GRIK3: variants seen among roughly 807,000 people sequenced by gnomAD.
The protein encoded by GRIK3 is glutamate receptor ionotropic, kainate 3.
In GRIK3, 29 loss-of-function variants were observed where a neutral mutation model predicts 102.5. That is an observed-to-expected ratio of 0.28 (90% CI 0.21 to 0.39). GRIK3 has a LOEUF of 0.39. Among genes scored for constraint, GRIK3 ranks in the 10% least tolerant of loss-of-function variants. GRIK3 has a pLI of 1.00. For missense variants in GRIK3, 908 were observed against 1,252.4 expected (o/e 0.73, Z 4.15); for synonymous variants, 511 against 504.9 (o/e 1.01, Z -0.16).
intron 1 of GRIK3, among the ~76,000 whole-genome samples, chr1:36,950,501 A>T (rs1030951296): frequency 6.6e-6 from 1 of 152,196 alleles, no homozygotes; most frequent in Admixed American, 6.5e-5. Context: ...GTTTAAGCCC[A>T]TCTTTCCACA....
chr1:36,805,558 T>C (rs1642489800), intron 14 of GRIK3, among the ~76,000 whole-genome samples: 1 of 152,102 alleles, frequency 6.6e-6, no homozygotes, highest in Non-Finnish European at 1.5e-5. Flanking sequence ...TCCCCAAACC[T>C]CGCGTCTGTC....
chr1:36,930,432 C>T (rs1641575013), intron 1 of GRIK3, among the ~76,000 whole-genome samples: 1 of 152,146 alleles, frequency 6.6e-6, no homozygotes, highest in African/African-American at 2.4e-5. Context: ...ATCATAAATC[C>T]TAAGTGTCAG....
intron 1 of GRIK3, among the ~76,000 whole-genome samples, chr1:36,914,726 G>A (rs1048412208): frequency 2.6e-5 from 4 of 152,190 alleles, no homozygotes; most frequent in African/African-American, 9.7e-5. Flanking sequence ...TCAGCCCAAC[G>A]GGCCCCACCA....
At chr1:37,022,748 C>T (rs570397536) in intron 1 of GRIK3, among the ~76,000 whole-genome samples, 1 of 152,198 alleles carries the variant, frequency 6.6e-6, no homozygotes, top group African/African-American at 2.4e-5. Context: ...TTCAAATGAC[C>T]ATATTCACCA....
chr1:36,923,925 AC>A (rs1641499742), intron 1 of GRIK3, among the ~76,000 whole-genome samples: 1 of 151,968 alleles, frequency 6.6e-6, no homozygotes, highest in Admixed American at 6.6e-5. Flanking sequence ...ACACATGCAC[AC>A]ACCTGCATTC....
At chr1:37,005,932 G>A (rs1456112727) in intron 1 of GRIK3, among the ~76,000 whole-genome samples, 1 of 152,122 alleles carries the variant, frequency 6.6e-6, no homozygotes, top group African/African-American at 2.4e-5. Flanking sequence ...TATAGGCAGT[G>A]GGGAGCCCTT....
At chr1:36,940,849 C>A (rs143318613) in intron 1 of GRIK3, among the ~76,000 whole-genome samples, 2 of 152,362 alleles carry the variant, frequency 1.3e-5, no homozygotes, top group Non-Finnish European at 2.9e-5. Context: ...CACAAGGGAG[C>A]ACCACTGTTT....
At chr1:36,868,363 C>A (rs967202683) in intron 5 of GRIK3, among the ~76,000 whole-genome samples, 9 of 152,220 alleles carry the variant, frequency 5.9e-5, no homozygotes, top group Admixed American at 1.3e-4. Context: ...ATCTCATTCG[C>A]CAGCTTCCAG....
intron 1 of GRIK3, among the ~76,000 whole-genome samples, chr1:36,997,526 G>A (rs141570938): frequency 6.4e-4 from 98 of 152,320 alleles, no homozygotes; most frequent in African/African-American, 2.2e-3. Flanking sequence ...GGGGGCACGC[G>A]AGCTCTAGAG....
In GRIK3 at chr1:36,817,956, A is replaced by G. The variant is rs556263973; in HGVS notation, c.1874-679T>C. 2.6e-5 allele frequency among the ~76,000 whole-genome samples: 4 copies of G among 152,340 alleles called. No individual in the cohort carries two copies. The South Asian group carries it at 8.3e-4, about 32-fold the overall frequency. On this transcript the variant is annotated intron_variant, in intron 12 of 15. Coordinates refer to ENST00000373091, the MANE Select transcript of GRIK3 (RefSeq NM_000831.4). Reference sequence around the variant, plus strand: ...TTTTTGAAGCTCTTTGCCGAAATATATGACTTTTCTTCCCCGACCTTAGGT... The same window carrying G: ...TTTTTGAAGCTCTTTGCCGAAATATGTGACTTTTCTTCCCCGACCTTAGGT...
rs138685291 is a variant in GRIK3 at position 36,825,608 on chromosome 1, G to A, written c.1749C>T (p.Ile583=). The A allele has an allele frequency of 5.7e-5, 90 of 1,569,668 alleles. No homozygotes were observed. In the African/African-American group the frequency reaches 1.1e-3, roughly 19 times the overall value. ...TGGCCAAGGAATTGCCTTACCTGGC[G>A]ATGACGAAGAGGACACAGCTGACCC... is the stretch of plus-strand genomic sequence containing the variant. ...YLGVSCVLFV[I]ARFSPYEWYD... is the part of the protein sequence containing the mutation. The change falls in exon 11 of 16, where the codon ATC becomes ATT. Residue 583 remains isoleucine, a synonymous_variant. Coordinates refer to ENST00000373091, the MANE Select transcript of GRIK3 (RefSeq NM_000831.4).
At chr1:36,963,679 G>A (rs1642050486) in intron 1 of GRIK3, among the ~76,000 whole-genome samples, 1 of 152,178 alleles carries the variant, frequency 6.6e-6, no homozygotes, top group African/African-American at 2.4e-5. Context: ...AGAGGAGTGA[G>A]AGTGTGCTGG....
chr1:36,836,616 A>G (rs558006711), intron 10 of GRIK3, among the ~76,000 whole-genome samples: 23 of 152,354 alleles, frequency 1.5e-4, no homozygotes, highest in African/African-American at 4.1e-4. Flanking sequence ...TAAGGCTACC[A>G]GTGATGACTC....
chr1:37,017,150 G>T (rs1642659699), intron 1 of GRIK3, among the ~76,000 whole-genome samples: 1 of 151,788 alleles, frequency 6.6e-6, no homozygotes, highest in African/African-American at 2.4e-5. Flanking sequence ...TAGAGGTGGG[G>T]GTTGCAGTGA....
chr1:36,833,900 A>G (rs1044726903), intron 10 of GRIK3, among the ~76,000 whole-genome samples: 2 of 152,096 alleles, frequency 1.3e-5, no homozygotes, highest in Non-Finnish European at 2.9e-5. Flanking sequence ...GGTGAAGGCA[A>G]CAGGGCATGG....
In GRIK3 at chr1:36,806,529, C is replaced by T. The variant is rs923595176; in HGVS notation, c.2092-203G>A. Among the ~76,000 whole-genome samples, 3 of 152,184 alleles carry T rather than the reference C, an allele frequency of 2.0e-5. No individual in the cohort carries two copies. The highest frequency in any genetic ancestry group is 1.9e-4 in the East Asian group (1 of 5,198). On this transcript the variant is annotated intron_variant, in intron 13 of 15. Coordinates refer to ENST00000373091, the MANE Select transcript of GRIK3 (RefSeq NM_000831.4). This position sits in a 1 kb window ranked among gnomAD's most constrained non-coding sequence, Gnocchi z 4.0. The stretch of plus-strand genomic sequence containing the variant: ...AACACACAGCTGGCCAATGATAAAA[C>T]GGAAATGTAGACTCAGGCCTGCTTC...
intron 2 of GRIK3, among the ~76,000 whole-genome samples, chr1:36,881,378 T>C (rs1390394881): frequency 2.0e-5 from 3 of 152,138 alleles, no homozygotes; most frequent in Non-Finnish European, 4.4e-5. Context: ...CTGACATGCA[T>C]ATCAGATCTG....
chr1:37,023,112 A>G (rs1290787754), intron 1 of GRIK3, among the ~76,000 whole-genome samples: 3 of 152,164 alleles, frequency 2.0e-5, no homozygotes, highest in African/African-American at 7.2e-5. Flanking sequence ...GCAGATCACG[A>G]GGTCAGGAGT....
Position 37,034,142 on chromosome 1 carries a change from C to T in GRIK3, c.-34G>A, listed in dbSNP as rs1395546507. ...GCCGCCGAGCGTGCCCGGGGCGCGG[C>T]CGTGGCGGGCTCCCTGGGGCGGCAG... On this transcript the variant is annotated 5_prime_UTR_variant, in exon 1 of 16. Transcript: ENST00000373091. 2.6e-6 allele frequency: 3 copies of T among 1,173,822 alleles called. No homozygotes were observed. The highest frequency in any genetic ancestry group is 3.2e-5 in the African/African-American group (2 of 61,898). The allele number at this position is 1,173,822 out of a possible 1,614,324, so 72.7% of individuals were successfully genotyped here. A position where few individuals can be genotyped will look rare whatever the true frequency, so the allele number is the denominator to read the frequency against.
Sources: allele counts gnomAD v4.1 joint callset (sites outside exome capture counted in the v4.1 genomes callset), GRCh38; gene constraint gnomAD v4.1.1; non-coding constraint Gnocchi (gnomAD v3.1); transcripts MANE v1.5; gene names NCBI Gene and HGNC (gene_info 2026-07-23, HGNC 2026-07-21).